Variants in OSBP2 observed in about 807,000 individuals in gnomAD.
The protein encoded by OSBP2 is oxysterol binding protein 2.
OSBP2 carries 66 observed loss-of-function variants against 96.0 expected under a neutral mutation model. That is an observed-to-expected ratio of 0.69 (90% CI 0.56 to 0.84). OSBP2 has a LOEUF of 0.84. Among genes scored for constraint, OSBP2 ranks in the 40% least tolerant of loss-of-function variants. The probability of loss-of-function intolerance (pLI) is 0.00; values close to 1 mark genes in which losing one functional copy is unlikely to be tolerated. For synonymous variants in OSBP2, 525 were observed against 520.9 expected (o/e 1.01, Z -0.11); for missense variants, 1,038 against 1,222.7 (o/e 0.85, Z 2.25).
chr22:30,845,233 C>T (rs1353250435), intron 2 of OSBP2, among the ~76,000 whole-genome samples: 1 of 152,116 alleles, frequency 6.6e-6, no homozygotes, highest in East Asian at 1.9e-4. Flanking sequence ...GAGTTTACAG[C>T]CAGTATGGCC....
chr22:30,820,658 T>C (rs2038254331), intron 2 of OSBP2, among the ~76,000 whole-genome samples: 1 of 152,254 alleles, frequency 6.6e-6, no homozygotes, highest in Admixed American at 6.5e-5. Flanking sequence ...GTGAAATTTA[T>C]CAAACAAGGC....
intron 1 of OSBP2, among the ~76,000 whole-genome samples, chr22:30,721,746 T>G (rs1025832255): frequency 6.6e-6 from 1 of 152,236 alleles, no homozygotes; most frequent in African/African-American, 2.4e-5. Context: ...AAACTCATAT[T>G]GTAATCCGAA....
At chr22:30,863,375 G>A (rs2039264119) in intron 2 of OSBP2, among the ~76,000 whole-genome samples, 1 of 152,146 alleles carries the variant, frequency 6.6e-6, no homozygotes, top group African/African-American at 2.4e-5. Flanking sequence ...GTTTTCTGGC[G>A]AGGGTGCAGC....
intron 12 of OSBP2, among the ~76,000 whole-genome samples, chr22:30,904,885 C>G (rs530155463): frequency 1.3e-5 from 2 of 152,206 alleles, no homozygotes; most frequent in Non-Finnish European, 2.9e-5. Flanking sequence ...CCTGTAATCC[C>G]AACACTCTGG....
At chr22:30,839,605 A>T (rs2038705902) in intron 2 of OSBP2, among the ~76,000 whole-genome samples, 1 of 151,974 alleles carries the variant, frequency 6.6e-6, no homozygotes, top group African/African-American at 2.4e-5. Context: ...GCCAGTGATG[A>T]TGAGCATTTT....
intron 12 of OSBP2, among the ~76,000 whole-genome samples, chr22:30,897,989 T>C (rs1385413187): frequency 6.6e-6 from 1 of 151,342 alleles, no homozygotes; most frequent in Non-Finnish European, 1.5e-5. Context: ...ACTGGCTGGA[T>C]GCAATAAAAG....
At chr22:30,817,452 T>A (rs144385615) in intron 2 of OSBP2, among the ~76,000 whole-genome samples, 1 of 152,312 alleles carries the variant, frequency 6.6e-6, no homozygotes, top group Non-Finnish European at 1.5e-5. Flanking sequence ...AGGCCACCAC[T>A]GGCTCTTGCT....
chr22:30,711,890 A>G (rs2089359803), intron 1 of OSBP2, among the ~76,000 whole-genome samples: 1 of 152,042 alleles, frequency 6.6e-6, no homozygotes, highest in East Asian at 1.9e-4. Context: ...ATTATCTCAA[A>G]GCTGGTTTGA....
At chr22:30,845,378 G>A (rs888086144) in intron 2 of OSBP2, among the ~76,000 whole-genome samples, 1 of 152,030 alleles carries the variant, frequency 6.6e-6, no homozygotes, top group Non-Finnish European at 1.5e-5. Context: ...AGCTGAGATC[G>A]TGCCATTGCA....
At chr22:30,693,972 A>AG (rs1216865640), upstream of OSBP2, 8 of 761,802 alleles carry the variant, frequency 1.1e-5, no homozygotes, top group Middle Eastern at 2.8e-4. Flanking sequence ...CTCAAAAAGG[A>AG]AAAAAAAAAA....
At chr22:30,739,279 A>G (rs549944724) in intron 1 of OSBP2, among the ~76,000 whole-genome samples, 1 of 152,340 alleles carries the variant, frequency 6.6e-6, no homozygotes, top group South Asian at 2.1e-4. Context: ...CAATGCCTTC[A>G]ACTAATCCAT....
At chr22:30,755,864 G>T (rs1050538200) in intron 2 of OSBP2, among the ~76,000 whole-genome samples, 2 of 152,244 alleles carry the variant, frequency 1.3e-5, no homozygotes, top group Admixed American at 1.3e-4. Flanking sequence ...TGCTAGGATT[G>T]CACCCCACCC....
At chr22:30,752,265 C>T (rs2090084485) in intron 2 of OSBP2, among the ~76,000 whole-genome samples, 1 of 149,100 alleles carries the variant, frequency 6.7e-6, no homozygotes, top group Admixed American at 6.7e-5. Flanking sequence ...TATTTCCAGG[C>T]CACATATTTT....
intron 1 of OSBP2, among the ~76,000 whole-genome samples, chr22:30,730,809 A>ATATTATT (rs1569100787): frequency 4.7e-5 from 1 of 21,268 alleles, no homozygotes; most frequent in African/African-American, 1.9e-4. Context: ...TATATATATA[A>ATATTATT]TTTTTTTTTT....
intron 2 of OSBP2, among the ~76,000 whole-genome samples, chr22:30,836,986 C>G (rs1294921097): frequency 6.6e-6 from 1 of 152,122 alleles, no homozygotes; most frequent in Non-Finnish European, 1.5e-5. Flanking sequence ...AAAAGTGGCT[C>G]ACTCCTGTAA....
chr22:30,715,546 T>G (rs2089436791), intron 1 of OSBP2, among the ~76,000 whole-genome samples: 2 of 89,666 alleles, frequency 2.2e-5, no homozygotes, highest in African/African-American at 3.2e-5. Context: ...ACATGGCTAA[T>G]TTTTAGATTT....
intron 2 of OSBP2, among the ~76,000 whole-genome samples, chr22:30,845,966 T>A (rs145389944): frequency 0.011 from 1,680 of 151,722 alleles, 34 homozygotes; most frequent in African/African-American, 0.039. Flanking sequence ...CATCAGTTGA[T>A]GGACATTAAC....
intron 12 of OSBP2, among the ~76,000 whole-genome samples, chr22:30,904,268 C>T (rs1352584992): frequency 6.6e-6 from 1 of 152,214 alleles, no homozygotes; most frequent in Non-Finnish European, 1.5e-5. Context: ...AAGCCCTCCG[C>T]AATCCACAGA....
intron 2 of OSBP2, among the ~76,000 whole-genome samples, chr22:30,808,407 T>C (rs1037842290): frequency 6.6e-6 from 1 of 151,968 alleles, no homozygotes; most frequent in Non-Finnish European, 1.5e-5. Context: ...CTCAGGACAA[T>C]GAGGTGGGAG....
Sources: gnomAD v4.1 joint callset for allele counts (sites outside exome capture counted in the v4.1 genomes callset) on GRCh38, gnomAD v4.1.1 for gene constraint, MANE v1.5 for transcripts, NCBI Gene and HGNC (gene_info 2026-07-23, HGNC 2026-07-21) for gene names.